The following OPA3 variants were observed in gnomAD, a reference collection of about 807,000 sequenced individuals.
The protein encoded by OPA3 is outer mitochondrial membrane lipid metabolism regulator OPA3.
In OPA3, 6 loss-of-function variants were observed where a neutral mutation model predicts 4.0. That is an observed-to-expected ratio of 1.51 (90% CI 0.83 to 2.99). The LOEUF is 2.99. OPA3 is among the 30% of genes most tolerant of loss of function. The probability of loss-of-function intolerance (pLI) is 0.00; values close to 1 mark genes in which losing one functional copy is unlikely to be tolerated. For synonymous variants in OPA3, 105 were observed against 117.1 expected, an observed-to-expected ratio of 0.90 and a Z score of 0.67; for missense variants, 235 against 256.2, an observed-to-expected ratio of 0.92 and a Z score of 0.56.
intron 1 of OPA3, among the ~76,000 whole-genome samples, chr19:45,580,036 A>G (rs577825777): frequency 2.1e-5 from 3 of 140,934 alleles, no homozygotes; most frequent in African/African-American, 5.2e-5. Context: ...TCGCTCTGTC[A>G]CCCAGGCTGG....
intron 1 of OPA3, among the ~76,000 whole-genome samples, chr19:45,539,421 T>C (rs1216250790): frequency 6.6e-6 from 1 of 152,104 alleles, no homozygotes; most frequent in East Asian, 1.9e-4. Context: ...GCGAAACCCC[T>C]TCTCTACAAA....
At chr19:45,561,939 C>G (rs1007154722) in intron 1 of OPA3, among the ~76,000 whole-genome samples, 5 of 148,006 alleles carry the variant, frequency 3.4e-5, no homozygotes, top group Non-Finnish European at 6.0e-5. Flanking sequence ...AGCGACACTC[C>G]GTCTCAAAAA....
chr19:45,541,883 G>A (rs1010739021), downstream of OPA3, among the ~76,000 whole-genome samples: 2 of 152,162 alleles, frequency 1.3e-5, no homozygotes, highest in Non-Finnish European at 2.9e-5. Flanking sequence ...AAATCTTGGG[G>A]AAGGCTTCAA....
chr19:45,583,503 T>C (rs1969886460), intron 1 of OPA3, among the ~76,000 whole-genome samples: 1 of 150,864 alleles, frequency 6.6e-6, no homozygotes, highest in Admixed American at 6.6e-5. Flanking sequence ...AAGCCCTTTA[T>C]TTCTATTTAT....
In OPA3 at chr19:45,551,791, C is replaced by G. The variant is rs1315280515; in HGVS notation, c.*1723G>C. ...GTACTGCTACATGAAGACAGGCTGT[C>G]GGGTCAGTCCAGAGCTCCGAGGAAA... On this transcript the variant is annotated 3_prime_UTR_variant, in exon 2 of 2. Coordinates refer to ENST00000263275, the MANE Select transcript of OPA3 (RefSeq NM_025136.4). The G allele has an allele frequency of 5.1e-6, 5 of 985,254 alleles. No individual in the cohort carries two copies. The South Asian group carries it at 2.3e-4, about 46-fold the overall frequency. 61.0% of individuals were successfully genotyped at this position (985,254 alleles called of 1,614,324 possible). A position where few individuals can be genotyped will look rare whatever the true frequency, so the allele number is the denominator to read the frequency against.
At chr19:45,537,597 T>C (rs1243639246) in intron 1 of OPA3, among the ~76,000 whole-genome samples, 1 of 151,910 alleles carries the variant, frequency 6.6e-6, no homozygotes, top group African/African-American at 2.4e-5. Flanking sequence ...GGAGAAGGAC[T>C]TGACTCACAA....
chr19:45,548,645 GTGTTT>G lies in OPA3; in HGVS notation c.*4864_*4868del. On this transcript the variant is annotated 3_prime_UTR_variant, in exon 2 of 2. Transcript: ENST00000263275. Reference sequence around the variant, plus strand: ...GAGAGTGGGTAACTCAGTGAGTTTTGTGTTTTATTTTTTTTATTTTTTTTTTTTTT... The same window carrying G: ...GAGAGTGGGTAACTCAGTGAGTTTTGTATTTTTTTTATTTTTTTTTTTTTT... 1 of 964,966 alleles carries G rather than the reference GTGTTT, an allele frequency of 1.0e-6. No individual in the cohort carries two copies. Among genetic ancestry groups the G allele is most frequent in the Admixed American group, 7.7e-5 (1 of 13,052 alleles). The allele number at this position is 964,966 out of a possible 1,614,324, so 59.8% of individuals were successfully genotyped here. A position where few individuals can be genotyped will look rare whatever the true frequency, so the allele number is the denominator to read the frequency against.
downstream of OPA3, among the ~76,000 whole-genome samples, chr19:45,542,660 T>C (rs1049597419): frequency 6.7e-5 from 8 of 119,700 alleles, no homozygotes; most frequent in Non-Finnish European, 1.0e-4. Context: ...CTTCACTGTT[T>C]TTTTGTTTTT....
chr19:45,543,810 A>G (rs1257008857), downstream of OPA3, among the ~76,000 whole-genome samples: 1 of 152,142 alleles, frequency 6.6e-6, no homozygotes, highest in Non-Finnish European at 1.5e-5. Context: ...TTCACTCAAT[A>G]TCATTACACA....
At chr19:45,533,121 C>A (rs1411488628) in intron 1 of OPA3, among the ~76,000 whole-genome samples, 1 of 151,564 alleles carries the variant, frequency 6.6e-6, no homozygotes, top group Admixed American at 6.6e-5. Flanking sequence ...GAACTCCCAA[C>A]CTCAAATGAT....
intron 1 of OPA3, among the ~76,000 whole-genome samples, chr19:45,540,883 A>G (rs1196562466): frequency 1.3e-5 from 2 of 152,118 alleles, no homozygotes; most frequent in African/African-American, 2.4e-5. Flanking sequence ...GTCATGAATC[A>G]TAGGCAGGAT....
At chr19:45,573,784 C>T (rs1165423451) in intron 1 of OPA3, among the ~76,000 whole-genome samples, 1 of 152,186 alleles carries the variant, frequency 6.6e-6, no homozygotes, top group African/African-American at 2.4e-5. Context: ...GCAGGACACA[C>T]ACCACGTAAA....
chr19:45,535,369 C>CT (rs57680613), intron 1 of OPA3, among the ~76,000 whole-genome samples: 6,334 of 118,758 alleles, frequency 0.053, 334 homozygotes, highest in African/African-American at 0.15. Context: ...TAAATTATTA[C>CT]TTTTTTTTTT....
At chr19:45,546,122 TATG>T (rs1212437902), downstream of OPA3, among the ~76,000 whole-genome samples, 3 of 152,170 alleles carry the variant, frequency 2.0e-5, no homozygotes, top group Non-Finnish European at 2.9e-5. Context: ...ATACATAATG[TATG>T]ATATTAACAT....
At chr19:45,566,678 G>A (rs1969587919) in intron 1 of OPA3, among the ~76,000 whole-genome samples, 1 of 151,698 alleles carries the variant, frequency 6.6e-6, no homozygotes, top group South Asian at 2.1e-4. Flanking sequence ...GTTTCACCAT[G>A]TTGGCCAGGC....
At position 45,548,522 on chromosome 19, in the gene OPA3, C is replaced by T. The variant is rs1162036349; in HGVS notation, c.*4992G>A. On this transcript the variant is annotated 3_prime_UTR_variant, in exon 2 of 2. Transcript: ENST00000263275. ...CAACTATGGGGTGGGGCAGGGAACACTGGAAAAGAAATGTACGTGTGAGCA... is the reference window on the plus strand; with the variant it reads ...CAACTATGGGGTGGGGCAGGGAACATTGGAAAAGAAATGTACGTGTGAGCA... 3.0e-6 allele frequency: 3 copies of T among 985,334 alleles called. No homozygotes were observed. The African/African-American group carries it at 5.2e-5, about 17-fold the overall frequency. The allele number at this position is 985,334 out of a possible 1,614,324, so 61.0% of individuals were successfully genotyped here. A position where few individuals can be genotyped will look rare whatever the true frequency, so the allele number is the denominator to read the frequency against.
chr19:45,545,428 G>A (rs560997351), downstream of OPA3, among the ~76,000 whole-genome samples: 1 of 151,934 alleles, frequency 6.6e-6, no homozygotes, highest in South Asian at 2.1e-4. Context: ...CTACTCTGGA[G>A]GCTGACATGG....
chr19:45,555,837 G>T (rs1487977381), intron 1 of OPA3, among the ~76,000 whole-genome samples: 1 of 151,866 alleles, frequency 6.6e-6, no homozygotes, highest in African/African-American at 2.4e-5. Flanking sequence ...TCAGTATGTT[G>T]CCTAGGCTGG....
chr19:45,571,111 G>A (rs1055292633), intron 1 of OPA3, among the ~76,000 whole-genome samples: 1 of 151,400 alleles, frequency 6.6e-6, no homozygotes, highest in African/African-American at 2.4e-5. Context: ...ATACATGACT[G>A]CTAAATACTT....
Sources: gnomAD v4.1 joint callset for allele counts (sites outside exome capture counted in the v4.1 genomes callset) on GRCh38, gnomAD v4.1.1 for gene constraint, MANE v1.5 for transcripts, NCBI Gene and HGNC (gene_info 2026-07-23, HGNC 2026-07-21) for gene names.